VAV3: variants seen among roughly 807,000 people sequenced by gnomAD.
VAV3 encodes vav guanine nucleotide exchange factor 3, also known as guanine nucleotide exchange factor VAV3.
Under a neutral mutation model 131.2 loss-of-function variants are expected in VAV3, and 94 were observed. The observed-to-expected ratio is 0.72, with a 90% confidence interval of 0.61 to 0.85. The LOEUF (loss-of-function observed/expected upper bound fraction) is 0.85, where lower values mean the gene tolerates loss of function less well. Among genes scored for constraint, VAV3 ranks in the 40% least tolerant of loss-of-function variants. The probability of loss-of-function intolerance (pLI) is 0.00; values close to 1 mark genes in which losing one functional copy is unlikely to be tolerated. For synonymous variants in VAV3, 349 were observed against 342.0 expected (o/e 1.02, Z -0.22); for missense variants, 939 against 1,002.7 (o/e 0.94, Z 0.86).
intron 21 of VAV3, among the ~76,000 whole-genome samples, chr1:107,610,229 G>GA (rs1226280295): frequency 6.6e-6 from 1 of 152,090 alleles, no homozygotes; most frequent in African/African-American, 2.4e-5. Context: ...ATATGAACTG[G>GA]AAACTTTTAA....
At chr1:107,908,517 CT>C (rs1218944507) in intron 1 of VAV3, among the ~76,000 whole-genome samples, 1 of 151,934 alleles carries the variant, frequency 6.6e-6, no homozygotes, top group African/African-American at 2.4e-5. Context: ...GATAAGTGAC[CT>C]TTTTATTCTT....
intron 25 of VAV3, among the ~76,000 whole-genome samples, chr1:107,594,116 G>T (rs1557687614): frequency 1.3e-5 from 2 of 152,020 alleles, no homozygotes; most frequent in African/African-American, 4.8e-5. Flanking sequence ...TAATCTTGGA[G>T]TGTTAACCAC....
intron 24 of VAV3, among the ~76,000 whole-genome samples, chr1:107,598,535 T>C (rs543951173): frequency 6.6e-6 from 1 of 152,314 alleles, no homozygotes; most frequent in Non-Finnish European, 1.5e-5. Flanking sequence ...CTTCCTTTCT[T>C]CCTTGGGCCC....
At chr1:107,664,418 T>C (rs1657265034) in intron 19 of VAV3, among the ~76,000 whole-genome samples, 1 of 152,184 alleles carries the variant, frequency 6.6e-6, no homozygotes, top group Non-Finnish European at 1.5e-5. Context: ...TTCTCATCGT[T>C]CAGTTCCTAC....
intron 20 of VAV3, among the ~76,000 whole-genome samples, chr1:107,624,522 G>A (rs1021529101): frequency 4.6e-5 from 7 of 151,632 alleles, no homozygotes; most frequent in Non-Finnish European, 7.4e-5. Context: ...TACAAAATCT[G>A]GAAAGAATCA....
At chr1:107,764,680 G>A (rs1230703294) in intron 9 of VAV3, among the ~76,000 whole-genome samples, 1 of 152,076 alleles carries the variant, frequency 6.6e-6, no homozygotes, top group African/African-American at 2.4e-5. Context: ...GAGCCACCCT[G>A]CCCAGCTAAC....
At chr1:107,701,424 G>A (rs1274499984) in intron 17 of VAV3, among the ~76,000 whole-genome samples, 1 of 149,776 alleles carries the variant, frequency 6.7e-6, no homozygotes, top group Non-Finnish European at 1.5e-5. Flanking sequence ...GCTGCACACA[G>A]CAGTGGGGCC....
At chr1:107,946,961 A>G (rs1674300905) in intron 1 of VAV3, among the ~76,000 whole-genome samples, 1 of 152,238 alleles carries the variant, frequency 6.6e-6, no homozygotes, top group South Asian at 2.1e-4. Context: ...TTATCAAATC[A>G]TGACAGCAGC....
chr1:107,769,506 G>A lies in VAV3; in HGVS notation c.649-997C>T, dbSNP rs975203459. On this transcript the variant is annotated intron_variant, in intron 6 of 26. Transcript: ENST00000370056. ...CTAAATGTGAGAGTCTGGAGAGCTG[G>A]CCTCAAACCTCTTCCCTAACATGCA... Among the ~76,000 whole-genome samples, 14 of 152,296 alleles carry A rather than the reference G, an allele frequency of 9.2e-5. No homozygotes were observed. The South Asian group carries it at 1.7e-3, about 18-fold the overall frequency.
intron 2 of VAV3, among the ~76,000 whole-genome samples, chr1:107,839,012 G>A (rs1668585657): frequency 6.6e-6 from 1 of 152,068 alleles, no homozygotes; most frequent in African/African-American, 2.4e-5. Context: ...CACTACCTGG[G>A]TGACAGATTC....
At chr1:107,769,357 T>C (rs1188310579) in intron 6 of VAV3, among the ~76,000 whole-genome samples, 2 of 152,226 alleles carry the variant, frequency 1.3e-5, no homozygotes, top group African/African-American at 4.8e-5. Context: ...CGTCTAATTT[T>C]CAATATGACC....
intron 2 of VAV3, among the ~76,000 whole-genome samples, chr1:107,858,081 T>C (rs1312631202): frequency 6.6e-6 from 1 of 152,228 alleles, no homozygotes; most frequent in Non-Finnish European, 1.5e-5. Context: ...TTATACATTT[T>C]ATACTTTTTG....
intron 1 of VAV3, among the ~76,000 whole-genome samples, chr1:107,947,981 G>A (rs539633327): frequency 1.1e-4 from 17 of 152,248 alleles, no homozygotes; most frequent in Non-Finnish European, 2.2e-4. Flanking sequence ...TACTCATACC[G>A]TTGGGAATTT....
chr1:107,898,867 G>A (rs2101081961), intron 1 of VAV3, among the ~76,000 whole-genome samples: 1 of 152,214 alleles, frequency 6.6e-6, no homozygotes, highest in South Asian at 2.1e-4. Context: ...AGTATTTTAA[G>A]TAATGGGAAG....
chr1:107,691,163 TGCAATA>T (rs1222162077), intron 17 of VAV3, among the ~76,000 whole-genome samples: 1 of 152,046 alleles, frequency 6.6e-6, no homozygotes, highest in Non-Finnish European at 1.5e-5. Context: ...CCCACACTAA[TGCAATA>T]GCCTGTTCAC....
At chr1:107,653,590 CTGAAG>C (rs1364490418) in intron 19 of VAV3, among the ~76,000 whole-genome samples, 1 of 151,860 alleles carries the variant, frequency 6.6e-6, no homozygotes, top group African/African-American at 2.4e-5. Flanking sequence ...TAACCTTTTT[CTGAAG>C]TGAAAAAAGG....
chr1:107,855,179 T>C (rs1049981666), intron 2 of VAV3, among the ~76,000 whole-genome samples: 1 of 152,238 alleles, frequency 6.6e-6, no homozygotes. Context: ...AATCTGCCTA[T>C]GTACCCCAAA....
At chr1:107,783,789 C>G (rs1665830647) in intron 2 of VAV3, among the ~76,000 whole-genome samples, 1 of 151,854 alleles carries the variant, frequency 6.6e-6, no homozygotes, top group African/African-American at 2.4e-5. Flanking sequence ...TGGCTCACGC[C>G]TGTAATCCCA....
chr1:107,775,852 C>T (rs1253126079), intron 4 of VAV3, among the ~76,000 whole-genome samples: 1 of 152,126 alleles, frequency 6.6e-6, no homozygotes. Context: ...GGCCATCCAT[C>T]GTGTGACTGC....
Sources: gnomAD v4.1 joint callset for allele counts (sites outside exome capture counted in the v4.1 genomes callset) on GRCh38, gnomAD v4.1.1 for gene constraint, MANE v1.5 for transcripts, NCBI Gene and HGNC (gene_info 2026-07-23, HGNC 2026-07-21) for gene names.